Variants in LPAR3 observed in about 807,000 individuals in gnomAD.
The protein encoded by LPAR3 is lysophosphatidic acid receptor 3.
In LPAR3, 7 loss-of-function variants were observed where a neutral mutation model predicts 17.8. That is an observed-to-expected ratio of 0.39 (90% CI 0.22 to 0.74). The LOEUF is 0.74. Ranked by LOEUF, LPAR3 falls within the 30% of genes least tolerant of loss-of-function variation. LPAR3 has a pLI of 0.40. For synonymous variants in LPAR3, 179 were observed against 179.9 expected (o/e 0.99, Z 0.04); for missense variants, 391 against 453.4 (o/e 0.86, Z 1.25).
At chr1:84,845,831 C>T (rs1214033911) in intron 2 of LPAR3, among the ~76,000 whole-genome samples, 2 of 152,120 alleles carry the variant, frequency 1.3e-5, no homozygotes, top group African/African-American at 4.8e-5. Flanking sequence ...AGTGAATTCA[C>T]CAAGCTGTGA....
At chr1:84,857,525 T>G (rs1465980918) in intron 2 of LPAR3, among the ~76,000 whole-genome samples, 1 of 152,202 alleles carries the variant, frequency 6.6e-6, no homozygotes, top group African/African-American at 2.4e-5. Flanking sequence ...GCATAAAGTT[T>G]GAAGAGTATA....
At chr1:84,892,218 TAAATAAATA>T (rs1042635152) in intron 1 of LPAR3, among the ~76,000 whole-genome samples, 2 of 72,800 alleles carry the variant, frequency 2.7e-5, no homozygotes, top group African/African-American at 1.0e-4. Flanking sequence ...GTCTCAAAAA[TAAATAAATA>T]AATAAATAAA....
chr1:84,825,498 A>G (rs1430032682), intron 2 of LPAR3, among the ~76,000 whole-genome samples: 4 of 152,180 alleles, frequency 2.6e-5, no homozygotes, highest in Admixed American at 2.6e-4. Context: ...CTGCAAGGCC[A>G]CCATGTTCTG....
intron 2 of LPAR3, among the ~76,000 whole-genome samples, chr1:84,864,307 T>C (rs565808536): frequency 2.0e-5 from 3 of 152,258 alleles, no homozygotes; most frequent in South Asian, 4.1e-4. Flanking sequence ...TGAAATACTC[T>C]ATTAACCCAT....
chr1:84,890,023 A>G (rs1469327778), intron 1 of LPAR3, among the ~76,000 whole-genome samples: 2 of 152,202 alleles, frequency 1.3e-5, no homozygotes, highest in African/African-American at 4.8e-5. Context: ...CTGTGCTCCA[A>G]GTACCTCTAG....
At chr1:84,881,794 G>T (rs1410199817) in intron 1 of LPAR3, among the ~76,000 whole-genome samples, 1 of 152,160 alleles carries the variant, frequency 6.6e-6, no homozygotes, top group Non-Finnish European at 1.5e-5. Flanking sequence ...TACAGCAGAA[G>T]AACACAGGAT....
chr1:84,866,994 C>T (rs928615695), intron 1 of LPAR3, among the ~76,000 whole-genome samples: 1 of 152,154 alleles, frequency 6.6e-6, no homozygotes, highest in Admixed American at 6.5e-5. Context: ...GGAATTGGGG[C>T]AGATCTCCAA....
intron 2 of LPAR3, among the ~76,000 whole-genome samples, chr1:84,836,565 G>A (rs905363532): frequency 4.6e-5 from 7 of 152,058 alleles, no homozygotes; most frequent in Admixed American, 4.6e-4. Context: ...ACTATGTCCT[G>A]GGGAAGGATA....
At chr1:84,851,331 C>A (rs1659706429) in intron 2 of LPAR3, among the ~76,000 whole-genome samples, 1 of 152,128 alleles carries the variant, frequency 6.6e-6, no homozygotes, top group South Asian at 2.1e-4. Flanking sequence ...TTCTTGTGAC[C>A]AGACCCTCCA....
At chr1:84,819,805 T>C (rs529338619) in intron 2 of LPAR3, among the ~76,000 whole-genome samples, 23 of 152,280 alleles carry the variant, frequency 1.5e-4, no homozygotes, top group Admixed American at 1.5e-3. Context: ...CACCTCCTAA[T>C]CTGAGGTCTG....
At chr1:84,828,331 C>A (rs1309716331) in intron 2 of LPAR3, among the ~76,000 whole-genome samples, 1 of 152,182 alleles carries the variant, frequency 6.6e-6, no homozygotes, top group Non-Finnish European at 1.5e-5. Flanking sequence ...AAATTGGCAG[C>A]AGTCTGATTC....
intron 1 of LPAR3, among the ~76,000 whole-genome samples, chr1:84,891,558 C>T (rs992184192): frequency 2.0e-5 from 3 of 152,214 alleles, no homozygotes; most frequent in African/African-American, 4.8e-5. Flanking sequence ...AAGAGGAAAA[C>T]TCTGTTTACT....
chr1:84,828,393 A>G (rs1659207610), intron 2 of LPAR3, among the ~76,000 whole-genome samples: 1 of 152,194 alleles, frequency 6.6e-6, no homozygotes. Context: ...ACTTCTGATC[A>G]TATCTAACTT....
In LPAR3 at chr1:84,847,906, G is replaced by A. The variant is rs180851241; in HGVS notation, c.736+17479C>T. Among the ~76,000 whole-genome samples the A allele has an allele frequency of 3.9e-5, 6 of 152,308 alleles. No individual in the cohort carries two copies. In the East Asian group the frequency reaches 5.8e-4, roughly 15 times the overall value. On this transcript the variant is annotated intron_variant, in intron 2 of 2. Coordinates refer to ENST00000370611, the MANE Select transcript of LPAR3 (RefSeq NM_012152.3). ...AAAGGAAGTAGCATCTGTGGTCCCCGAATCTCCTGCCTAGGTCCCACCCCT... is the reference window on the plus strand; with the variant it reads ...AAAGGAAGTAGCATCTGTGGTCCCCAAATCTCCTGCCTAGGTCCCACCCCT...
At chr1:84,843,996 C>G (rs1659553639) in intron 2 of LPAR3, among the ~76,000 whole-genome samples, 1 of 152,316 alleles carries the variant, frequency 6.6e-6, no homozygotes, top group South Asian at 2.1e-4. Context: ...CACTTTCTTA[C>G]CAGAGGTCTT....
chr1:84,873,732 GTTTT>G (rs927061146), intron 1 of LPAR3, among the ~76,000 whole-genome samples: 1 of 149,126 alleles, frequency 6.7e-6, no homozygotes, highest in Non-Finnish European at 1.5e-5. Context: ...CTTTTGAACA[GTTTT>G]TTTTGTTTGT....
At chr1:84,864,597 C>T (rs949987266) in intron 2 of LPAR3, among the ~76,000 whole-genome samples, 4 of 152,092 alleles carry the variant, frequency 2.6e-5, no homozygotes, top group Non-Finnish European at 5.9e-5. Flanking sequence ...GCCCAGCCAA[C>T]ATGGAGAAAC....
rs1421469859 is a variant in LPAR3, at chr1:84,890,789, G to A, written c.-19+2227C>T. 3.9e-5 allele frequency among the ~76,000 whole-genome samples: 6 copies of A among 152,304 alleles called. No homozygotes were observed. The East Asian group carries it at 1.2e-3, about 29-fold the overall frequency. ...AGTTATAGTGATTCCCCTTGCCCCA[G>A]CCCAAAGAAATAAGAGGCGGGTCTT... On this transcript the variant is annotated intron_variant, in intron 1 of 2. Coordinates refer to ENST00000370611, the MANE Select transcript of LPAR3 (RefSeq NM_012152.3).
At chr1:84,881,142 T>C (rs1036157902) in intron 1 of LPAR3, among the ~76,000 whole-genome samples, 2 of 151,944 alleles carry the variant, frequency 1.3e-5, no homozygotes, top group African/African-American at 2.4e-5. Context: ...AGAGAAGGGA[T>C]AGCCAGACCT....
Sources: allele counts gnomAD v4.1 joint callset (sites outside exome capture counted in the v4.1 genomes callset), GRCh38; gene constraint gnomAD v4.1.1; transcripts MANE v1.5; gene names NCBI Gene and HGNC (gene_info 2026-07-23, HGNC 2026-07-21).